The following NCOR1 variants were observed in gnomAD, a reference collection of about 807,000 sequenced individuals.
NCOR1 encodes the protein protein phosphatase 1, regulatory subunit 109.
Under a neutral mutation model 288.1 loss-of-function variants are expected in NCOR1, and 63 were observed. The ratio of observed to expected loss-of-function variants is 0.22; its 90% CI spans 0.18 to 0.27. The LOEUF (loss-of-function observed/expected upper bound fraction) is 0.27. Among genes scored for constraint, NCOR1 ranks in the 10% least tolerant of loss-of-function variants. The pLI is 1.00. For synonymous variants in NCOR1, 1,007 were observed against 1,065.9 expected (o/e 0.94, Z 1.08); for missense variants, 2,397 against 3,019.2 (o/e 0.79, Z 4.83).
intron 11 of NCOR1, among the ~76,000 whole-genome samples, chr17:16,139,653 G>A (rs1568280782): frequency 1.3e-5 from 2 of 152,086 alleles, no homozygotes; most frequent in Non-Finnish European, 2.9e-5. Flanking sequence ...TTAAGTCAGC[G>A]ATTTTAAATT....
intron 27 of NCOR1, 72 bp from the exon 28 acceptor site, chr17:16,073,641 T>C: frequency 8.3e-7 from 1 of 1,207,398 alleles, no homozygotes; most frequent in Non-Finnish European, 1.1e-6. Flanking sequence ...TAGGTTAGTT[T>C]CATAGTCTAT....
chr17:16,151,354 T>C (rs1000832201), intron 8 of NCOR1, among the ~76,000 whole-genome samples: 14 of 152,198 alleles, frequency 9.2e-5, no homozygotes, highest in Non-Finnish European at 2.1e-4. Flanking sequence ...AACTACATTC[T>C]GGAGCAGCCT....
intron 44 of NCOR1, among the ~76,000 whole-genome samples, chr17:16,035,237 A>G (rs981690951): frequency 1.3e-5 from 2 of 152,192 alleles, no homozygotes; most frequent in Non-Finnish European, 2.9e-5. Context: ...TTTTCCTTTC[A>G]TGAAAGACTT....
chr17:16,136,823 A>G (rs938088096), intron 14 of NCOR1, among the ~76,000 whole-genome samples: 6 of 150,554 alleles, frequency 4.0e-5, no homozygotes, highest in Non-Finnish European at 5.9e-5. Flanking sequence ...AAAAAAAAAA[A>G]AAAAAGAAAG....
intron 3 of NCOR1, among the ~76,000 whole-genome samples, chr17:16,181,519 T>C (rs897373774): frequency 5.3e-5 from 8 of 152,034 alleles, no homozygotes; most frequent in Admixed American, 3.3e-4. Context: ...TGAACAAGTC[T>C]AGAGATCTAA....
intron 4 of NCOR1, 126 bp from the exon 5 acceptor site, chr17:16,165,287 AG>A (rs1456365207): frequency 1.5e-5 from 10 of 684,670 alleles, no homozygotes; most frequent in Non-Finnish European, 2.4e-5. Context: ...TGAAACTTTT[AG>A]TAGTAACTTT....
intron 21 of NCOR1, among the ~76,000 whole-genome samples, chr17:16,095,897 G>A (rs2066512032): frequency 6.6e-6 from 1 of 152,086 alleles, no homozygotes; most frequent in Non-Finnish European, 1.5e-5. Flanking sequence ...GGGGCAAGGT[G>A]GGGAAAAGAT....
chr17:16,040,607 A>C, intron 42 of NCOR1, 113 bp from the exon 43 acceptor site: 3 of 938,940 alleles, frequency 3.2e-6, no homozygotes, highest in Non-Finnish European at 4.9e-6. Flanking sequence ...CATGATCTCA[A>C]CCTTTATTTC....
At chr17:16,058,636 C>T (rs569341929) in intron 37 of NCOR1, 37 bp from the exon 38 acceptor site, 141 of 1,575,950 alleles carry the variant, frequency 8.9e-5, no homozygotes, top group Admixed American at 3.8e-4. Context: ...AAACTAATCC[C>T]AGGAAAAGTT....
At chr17:16,058,224 G>T (rs573691241) in intron 38 of NCOR1, 160 bp from the exon 39 acceptor site, 38 of 938,054 alleles carry the variant, frequency 4.1e-5, no homozygotes, top group Non-Finnish European at 5.6e-5. Context: ...ATTATTCACT[G>T]AAGAAGTCTG....
intron 1 of NCOR1, among the ~76,000 whole-genome samples, chr17:16,213,556 G>A (rs1018638486): frequency 6.7e-6 from 1 of 150,018 alleles, no homozygotes; most frequent in African/African-American, 2.4e-5. Context: ...GATAAAATAG[G>A]TACATAAATA....
chr17:16,029,309 G>A lies in NCOR1; in HGVS notation c.*2987C>T, dbSNP rs1371881979. ...TTCATTTACACTGTTGTAAAATAAG[G>A]TACTGAAGCAAAAGGAGGACTGATC... On this transcript the variant is annotated 3_prime_UTR_variant, in exon 46 of 46. Coordinates refer to ENST00000268712, the MANE Select transcript of NCOR1 (RefSeq NM_006311.4). 1 of 446,352 alleles carries A rather than the reference G, an allele frequency of 2.2e-6. No homozygotes were observed. Among genetic ancestry groups the A allele is most frequent in the Non-Finnish European group, 4.5e-6 (1 of 223,750 alleles). The allele number at this position is 446,352 out of a possible 1,614,324, so 27.6% of individuals were successfully genotyped here.
rs144246158 is a variant in NCOR1, at chr17:16,106,883, A to ATT, written c.2182+1901_2182+1902dup. On this transcript the variant is annotated intron_variant, in intron 19 of 45. Coordinates refer to ENST00000268712, the MANE Select transcript of NCOR1 (RefSeq NM_006311.4). ...TATATATATATATATATATATATATATTTTTTTTTTTTTTTTTTTTTTTTT... is the reference window on the plus strand; with the variant it reads ...TATATATATATATATATATATATATATTTTTTTTTTTTTTTTTTTTTTTTTTT... Among the ~76,000 whole-genome samples the ATT allele has an allele frequency of 1.5e-3, 47 of 31,412 alleles. 2 individuals are homozygous for ATT. Among genetic ancestry groups the ATT allele is most frequent in the East Asian group, 4.0e-3 (3 of 742 alleles). 20.6% of individuals were successfully genotyped at this position (31,412 alleles called of 152,430 possible).
intron 44 of NCOR1, among the ~76,000 whole-genome samples, chr17:16,036,559 A>G (rs2056413651): frequency 6.6e-6 from 1 of 152,190 alleles, no homozygotes; most frequent in South Asian, 2.1e-4. Context: ...CACCTTTATC[A>G]AAGATCTTAG....
intron 1 of NCOR1, among the ~76,000 whole-genome samples, chr17:16,207,739 CA>C (rs200123318): frequency 2.1e-3 from 129 of 61,026 alleles, no homozygotes; most frequent in East Asian, 5.0e-3. Context: ...ACTCCATCTC[CA>C]AAAAAAAAAA....
intron 42 of NCOR1, among the ~76,000 whole-genome samples, chr17:16,042,872 C>T (rs905134348): frequency 5.9e-5 from 9 of 152,232 alleles, no homozygotes; most frequent in Non-Finnish European, 1.0e-4. Flanking sequence ...GTAAGTAGAG[C>T]TTAGTAGGAA....
chr17:16,057,613 G>A lies in NCOR1; in HGVS notation c.6293C>T (p.Ser2098Leu). The A allele has an allele frequency of 6.2e-7, 1 of 1,614,102 alleles. No homozygotes were observed. The highest frequency in any genetic ancestry group is 8.5e-7 in the Non-Finnish European group (1 of 1,180,002). Residue 2098 changes from serine (S) to leucine (L), a missense_variant, in exon 40 of 46, where the codon TCA becomes TTA. This residue lies in a region of NCOR1 where 1,872 missense variants were observed against 2,187.8 expected (regional missense o/e 0.86). Coordinates refer to ENST00000268712, the MANE Select transcript of NCOR1 (RefSeq NM_006311.4). Reference sequence around the variant, plus strand: ...CTGGGATTCTGGGCTGTAACGGTTTGATGTTTTAGTCCTCACAGGTGTAGA... The same window carrying A: ...CTGGGATTCTGGGCTGTAACGGTTTAATGTTTTAGTCCTCACAGGTGTAGA... Reference protein sequence around the residue: ...LVSTPVRTKTSNRYSPESQAQ... With the variant: ...LVSTPVRTKTLNRYSPESQAQ...
At chr17:16,046,238 G>A (rs1163850273) in intron 42 of NCOR1, among the ~76,000 whole-genome samples, 1 of 152,142 alleles carries the variant, frequency 6.6e-6, no homozygotes, top group East Asian at 1.9e-4. Flanking sequence ...TCCTATACTT[G>A]GAGCTAGTTA....
intron 4 of NCOR1, among the ~76,000 whole-genome samples, chr17:16,165,731 A>G (rs377516001): frequency 2.6e-5 from 4 of 152,210 alleles, no homozygotes; most frequent in Non-Finnish European, 4.4e-5. Context: ...TACAGCATAC[A>G]TAACATTTCC....
Sources: allele counts gnomAD v4.1 joint callset (sites outside exome capture counted in the v4.1 genomes callset), GRCh38; gene constraint gnomAD v4.1.1; regional missense constraint gnomAD v4.1.1; transcripts MANE v1.5; gene names NCBI Gene and HGNC (gene_info 2026-07-23, HGNC 2026-07-21).